The following TRIM71 variants were observed in gnomAD, a reference collection of about 807,000 sequenced individuals.
TRIM71 encodes the protein E3 ubiquitin-protein ligase TRIM71.
Under a neutral mutation model 61.2 loss-of-function variants are expected in TRIM71, and 9 were observed. The ratio of observed to expected loss-of-function variants is 0.15; its 90% CI spans 0.09 to 0.26. The LOEUF (loss-of-function observed/expected upper bound fraction) is 0.26, where lower values mean the gene tolerates loss of function less well. Ranked by LOEUF, TRIM71 falls within the 10% of genes least tolerant of loss-of-function variation. TRIM71 has a pLI of 1.00. For synonymous variants in TRIM71, 645 were observed against 553.2 expected (o/e 1.17, Z -2.33); for missense variants, 998 against 1,238.7 (o/e 0.81, Z 2.92).
At chr3:32,833,309 A>G (rs973657843) in intron 1 of TRIM71, among the ~76,000 whole-genome samples, 3 of 152,032 alleles carry the variant, frequency 2.0e-5, no homozygotes, top group Non-Finnish European at 4.4e-5. Context: ...TTCTATGAAA[A>G]CTGACTGGAA....
intron 1 of TRIM71, among the ~76,000 whole-genome samples, chr3:32,845,615 T>A (rs1263456271): frequency 6.6e-6 from 1 of 152,198 alleles, no homozygotes; most frequent in Non-Finnish European, 1.5e-5. Flanking sequence ...GCCAGTTGTA[T>A]GTATTGTTAA....
rs1004442410 is a variant in TRIM71, at chr3:32,895,107, T to C, written c.*3296T>C. 4 of 152,222 alleles carry C rather than the reference T, an allele frequency of 2.6e-5. No homozygotes were observed. The highest frequency in any genetic ancestry group is 9.6e-5 in the African/African-American group (4 of 41,456). 9.4% of individuals were successfully genotyped at this position (152,222 alleles called of 1,614,324 possible). On this transcript the variant is annotated 3_prime_UTR_variant, in exon 4 of 4. Coordinates refer to ENST00000383763, the MANE Select transcript of TRIM71 (RefSeq NM_001039111.3). ...ACCCATAGGTAAAAACTACTTTTGC[T>C]TGACACTGACTTAACATTTCAAAAG...
intron 1 of TRIM71, among the ~76,000 whole-genome samples, chr3:32,851,261 T>G (rs1696535745): frequency 6.6e-6 from 1 of 152,180 alleles, no homozygotes; most frequent in Non-Finnish European, 1.5e-5. Context: ...CAGGCTACAA[T>G]TAGTAAAAGA....
chr3:32,830,166 G>A lies in TRIM71; in HGVS notation c.852+11234G>A, dbSNP rs151101898. 6.6e-3 allele frequency among the ~76,000 whole-genome samples: 1,007 copies of A among 152,024 alleles called. 11 individuals are homozygous for A. The highest frequency in any genetic ancestry group is 0.022 in the African/African-American group (905 of 41,478). Reference sequence around the variant, plus strand: ...TTGAACTCCTGACCTCAGGTGATCCGCCTGTCTTGGCCTCCCAAAATGCTG... The same window carrying A: ...TTGAACTCCTGACCTCAGGTGATCCACCTGTCTTGGCCTCCCAAAATGCTG... On this transcript the variant is annotated intron_variant, in intron 1 of 3. Transcript: ENST00000383763.
chr3:32,855,946 G>A (rs1559543778), intron 1 of TRIM71, among the ~76,000 whole-genome samples: 1 of 152,200 alleles, frequency 6.6e-6, no homozygotes, highest in Admixed American at 6.5e-5. Flanking sequence ...CATTGTTGGT[G>A]CTGACTTAGG....
intron 2 of TRIM71, among the ~76,000 whole-genome samples, chr3:32,875,759 C>G (rs1432091428): frequency 2.0e-5 from 3 of 151,930 alleles, no homozygotes; most frequent in African/African-American, 7.3e-5. Context: ...TCACTTGAGC[C>G]CCAAAGGTGG....
At chr3:32,877,029 G>A (rs1287760650) in intron 2 of TRIM71, among the ~76,000 whole-genome samples, 1 of 151,826 alleles carries the variant, frequency 6.6e-6, no homozygotes, top group Admixed American at 6.6e-5. Flanking sequence ...GGCATTTTAG[G>A]TCTGTTAATC....
In TRIM71 at chr3:32,874,364, T is replaced by TACA. The variant is rs1553646503; in HGVS notation, c.1020+381_1020+382insAAC. 7.6e-3 allele frequency among the ~76,000 whole-genome samples: 830 copies of TACA among 109,426 alleles called. 7 individuals carry two copies. Among genetic ancestry groups the TACA allele is most frequent in the African/African-American group, 0.013 (445 of 33,012 alleles). 71.8% of individuals were successfully genotyped at this position (109,426 alleles called of 152,430 possible). On this transcript the variant is annotated intron_variant, in intron 2 of 3. Transcript: ENST00000383763. Reference sequence around the variant, plus strand: ...CTACTACTACTACTACTACTACTACTACTACAACATATTTTTTGAGATGAG... The same window carrying TACA: ...CTACTACTACTACTACTACTACTACTACAACTACAACATATTTTTTGAGATGAG...
chr3:32,868,333 A>G (rs1051591841), intron 1 of TRIM71, among the ~76,000 whole-genome samples: 3 of 152,238 alleles, frequency 2.0e-5, no homozygotes, highest in South Asian at 2.1e-4. Context: ...GTTTCCCCCA[A>G]TAACCATTAT....
chr3:32,870,963 C>T (rs2125688139), intron 1 of TRIM71, among the ~76,000 whole-genome samples: 1 of 146,208 alleles, frequency 6.8e-6, no homozygotes, highest in South Asian at 2.1e-4. Context: ...CCACCACGCC[C>T]AGCAATTTTT....
At chr3:32,836,754 T>C (rs1696338945) in intron 1 of TRIM71, among the ~76,000 whole-genome samples, 1 of 152,222 alleles carries the variant, frequency 6.6e-6, no homozygotes, top group South Asian at 2.1e-4. Flanking sequence ...AGTAGGTATA[T>C]GAAGGCCCTT....
rs35520432 is a variant in TRIM71 at position 32,846,072 on chromosome 3, CTTTT to C, written c.852+27158_852+27161del. Among the ~76,000 whole-genome samples the C allele has an allele frequency of 5.6e-3, 520 of 92,732 alleles. 2 individuals are homozygous for C. Among genetic ancestry groups the C allele is most frequent in the South Asian group, 0.037 (97 of 2,656 alleles). 60.8% of individuals were successfully genotyped at this position (92,732 alleles called of 152,430 possible). A position where few individuals can be genotyped will look rare whatever the true frequency, so the allele number is the denominator to read the frequency against. On this transcript the variant is annotated intron_variant, in intron 1 of 3. Coordinates refer to ENST00000383763, the MANE Select transcript of TRIM71 (RefSeq NM_001039111.3). ...GATGGGAAACTAACTTGGTAAGCCA[CTTTT>C]TTTTTTTTTTTTTTTTTGAGATGGA...
At chr3:32,819,746 C>T (rs1327024658) in intron 1 of TRIM71, among the ~76,000 whole-genome samples, 1 of 152,148 alleles carries the variant, frequency 6.6e-6, no homozygotes, top group African/African-American at 2.4e-5. Flanking sequence ...TCTTGGGCCG[C>T]GCCCGCCTGC....
chr3:32,835,649 T>C (rs1696326937), intron 1 of TRIM71, among the ~76,000 whole-genome samples: 1 of 152,030 alleles, frequency 6.6e-6, no homozygotes, highest in Non-Finnish European at 1.5e-5. Context: ...TCATTTCTCC[T>C]TCCTTCACCA....
intron 1 of TRIM71, among the ~76,000 whole-genome samples, chr3:32,827,136 T>G (rs1189063553): frequency 6.6e-6 from 1 of 152,150 alleles, no homozygotes; most frequent in Non-Finnish European, 1.5e-5. Context: ...TGTATTTCAC[T>G]CAAAAACAAT....
intron 1 of TRIM71, among the ~76,000 whole-genome samples, chr3:32,873,062 TTCCTCC>T (rs1293565088): frequency 3.6e-5 from 3 of 83,314 alleles, no homozygotes; most frequent in Non-Finnish European, 5.7e-5. Flanking sequence ...CTTCTCTCTC[TTCCTCC>T]CTCCCTCCCT....
rs188602332 is a variant in TRIM71 at position 32,891,556 on chromosome 3, G to T, written c.2352G>T (p.Leu784=). ...CCGACTGCCAGTCGGCACGCTTTCT[G>T]GGCTCGGAGGGCACAGGCAATGGGC... ...IHPDCQSARF[L]GSEGTGNGQF... The change falls in exon 4 of 4, where the codon CTG becomes CTT. Residue 784 remains leucine, a synonymous_variant. Coordinates refer to ENST00000383763, the MANE Select transcript of TRIM71 (RefSeq NM_001039111.3). The surrounding 1 kb of genome is among the most constrained non-coding windows in gnomAD (Gnocchi z 8.2). The T allele has an allele frequency of 7.2e-5, 116 of 1,613,630 alleles. 1 individual carries two copies. In the East Asian group the frequency reaches 1.4e-3, roughly 19 times the overall value.
rs535505041 is a variant in TRIM71 at position 32,844,617 on chromosome 3, A to G, written c.852+25685A>G. On this transcript the variant is annotated intron_variant, in intron 1 of 3. Coordinates refer to ENST00000383763, the MANE Select transcript of TRIM71 (RefSeq NM_001039111.3). ...ACCAGTGACCCACCGAGCCTGGCCA[A>G]TCATAACTTTTCTATTTCATTTTAA... Among the ~76,000 whole-genome samples the G allele has an allele frequency of 3.3e-5, 5 of 152,248 alleles. No homozygotes were observed. The East Asian group carries it at 5.8e-4, about 18-fold the overall frequency.
intron 1 of TRIM71, among the ~76,000 whole-genome samples, chr3:32,862,256 T>A (rs1696679925): frequency 6.6e-6 from 1 of 152,196 alleles, no homozygotes; most frequent in Non-Finnish European, 1.5e-5. Context: ...TGCTCGGTTG[T>A]GTTAAAGGTA....
Sources: allele counts gnomAD v4.1 joint callset (sites outside exome capture counted in the v4.1 genomes callset), GRCh38; gene constraint gnomAD v4.1.1; non-coding constraint Gnocchi (gnomAD v3.1); transcripts MANE v1.5; gene names NCBI Gene and HGNC (gene_info 2026-07-23, HGNC 2026-07-21).